The following RASEF variants were observed in gnomAD, a reference collection of about 807,000 sequenced individuals.
RASEF encodes the protein RAS and EF-hand domain containing, also known as ras and EF-hand domain-containing protein.
In RASEF, 68 loss-of-function variants were observed where a neutral mutation model predicts 90.1. That is an observed-to-expected ratio of 0.75 (90% CI 0.62 to 0.92). The LOEUF (loss-of-function observed/expected upper bound fraction) is 0.92. Ranked by LOEUF, RASEF falls within the 40% of genes least tolerant of loss-of-function variation. The pLI is 0.00. For missense variants in RASEF, 949 were observed against 937.2 expected (o/e 1.01, Z -0.16); for synonymous variants, 331 against 345.2 (o/e 0.96, Z 0.46).
At chr9:83,005,918 A>G (rs1326468994) in intron 7 of RASEF, among the ~76,000 whole-genome samples, 4 of 152,232 alleles carry the variant, frequency 2.6e-5, no homozygotes, top group Non-Finnish European at 5.9e-5. Context: ...CCTGCATTCT[A>G]TGCACAGCCT....
intron 9 of RASEF, 86 bp from the exon 10 acceptor site, chr9:83,001,216 A>C: frequency 1.1e-6 from 1 of 920,610 alleles, no homozygotes; most frequent in South Asian, 1.6e-5. Flanking sequence ...CATTAGATGG[A>C]ATCAAGTAGG....
chr9:83,088,049 A>T, the RASEF span, among the ~76,000 whole-genome samples: 1 of 151,992 alleles, frequency 6.6e-6, no homozygotes, highest in Non-Finnish European at 1.5e-5. Flanking sequence ...ATATTTGTGA[A>T]TTTCCCTTAT....
At chr9:83,152,890 C>T in the RASEF span, among the ~76,000 whole-genome samples, 1 of 152,102 alleles carries the variant, frequency 6.6e-6, no homozygotes. Flanking sequence ...AAGACTAATC[C>T]TTGCTAGCCA....
the RASEF span, among the ~76,000 whole-genome samples, chr9:83,165,871 T>C: frequency 6.6e-5 from 10 of 152,102 alleles, no homozygotes; most frequent in Non-Finnish European, 1.0e-4. Context: ...ATAAATACAT[T>C]TTTTTAAAAA....
the RASEF span, among the ~76,000 whole-genome samples, chr9:83,186,367 A>G: frequency 6.6e-6 from 1 of 152,142 alleles, no homozygotes; most frequent in South Asian, 2.1e-4. Context: ...TTCCAGATTG[A>G]TCTTTCCAAA....
At chr9:83,140,997 G>A in the RASEF span, among the ~76,000 whole-genome samples, 2 of 152,024 alleles carry the variant, frequency 1.3e-5, no homozygotes, top group African/African-American at 4.8e-5. Flanking sequence ...ACAAAACTTA[G>A]CTGGGTGTGG....
At chr9:83,177,590 G>A in the RASEF span, among the ~76,000 whole-genome samples, 4 of 150,106 alleles carry the variant, frequency 2.7e-5, no homozygotes, top group African/African-American at 9.8e-5. Flanking sequence ...TAATCTTATT[G>A]GATTATGTGA....
the RASEF span, among the ~76,000 whole-genome samples, chr9:83,194,972 G>C: frequency 1.3e-5 from 2 of 152,150 alleles, no homozygotes; most frequent in Admixed American, 6.5e-5. Flanking sequence ...AGGAGACCTG[G>C]TTTCTTTATC....
At chr9:83,159,419 A>C in the RASEF span, among the ~76,000 whole-genome samples, 1 of 152,176 alleles carries the variant, frequency 6.6e-6, no homozygotes, top group Non-Finnish European at 1.5e-5. Flanking sequence ...AAGTATTAAA[A>C]ACTTCAGCTT....
chr9:83,015,327 T>C (rs1278671626), intron 4 of RASEF, among the ~76,000 whole-genome samples: 1 of 152,120 alleles, frequency 6.6e-6, no homozygotes, highest in Non-Finnish European at 1.5e-5. Context: ...AAAATAATTA[T>C]TAAATCTATG....
the RASEF span, among the ~76,000 whole-genome samples, chr9:83,093,828 C>T: frequency 5.9e-5 from 9 of 152,198 alleles, no homozygotes; most frequent in African/African-American, 1.2e-4. Flanking sequence ...GCGCCGAGAG[C>T]GAGCGAGGGG....
At chr9:83,091,250 T>G in the RASEF span, among the ~76,000 whole-genome samples, 1 of 152,182 alleles carries the variant, frequency 6.6e-6, no homozygotes, top group Non-Finnish European at 1.5e-5. Context: ...TACTGGAGCT[T>G]TTAAAGTCCT....
chr9:83,087,347 G>A, the RASEF span, among the ~76,000 whole-genome samples: 9 of 151,268 alleles, frequency 5.9e-5, no homozygotes, highest in African/African-American at 9.7e-5. Context: ...CATGATGGGA[G>A]TAGTGCCTTT....
At chr9:83,004,416 T>TTTATTCTATTAC (rs1200751062) in intron 9 of RASEF, 82 bp downstream of exon 9, 3 of 713,642 alleles carry the variant, frequency 4.2e-6, no homozygotes. Context: ...ATTCTATTAT[T>TTTATTCTATTAC]TTAATCCACC....
the RASEF span, among the ~76,000 whole-genome samples, chr9:83,076,762 T>C: frequency 3.3e-5 from 5 of 152,186 alleles, no homozygotes; most frequent in Non-Finnish European, 5.9e-5. Flanking sequence ...CCTCAGCTTT[T>C]ACTCAAAAAG....
intron 1 of RASEF, among the ~76,000 whole-genome samples, chr9:83,059,881 G>T (rs951721546): frequency 1.3e-5 from 2 of 152,098 alleles, no homozygotes; most frequent in Non-Finnish European, 2.9e-5. Context: ...TTTTCTAAGA[G>T]AAAATGAACT....
the RASEF span, among the ~76,000 whole-genome samples, chr9:83,196,900 T>C: frequency 3.9e-5 from 6 of 152,230 alleles, no homozygotes; most frequent in South Asian, 2.1e-4. Flanking sequence ...CCATTAAATC[T>C]TTACCCAACA....
the RASEF span, among the ~76,000 whole-genome samples, chr9:83,074,644 G>A: frequency 1.1e-4 from 17 of 152,148 alleles, no homozygotes; most frequent in Non-Finnish European, 2.1e-4. Flanking sequence ...ACTGTAACAT[G>A]GTCTCACTCA....
intron 1 of RASEF, among the ~76,000 whole-genome samples, chr9:83,042,767 C>G (rs567136247): frequency 6.6e-6 from 1 of 152,128 alleles, no homozygotes; most frequent in African/African-American, 2.4e-5. Context: ...CTCTGAGACA[C>G]CCCTGCTTGG....
Sources: allele counts gnomAD v4.1 joint callset (sites outside exome capture counted in the v4.1 genomes callset), GRCh38; gene constraint gnomAD v4.1.1; transcripts MANE v1.5; gene names NCBI Gene and HGNC (gene_info 2026-07-23, HGNC 2026-07-21).